HPS3: variants seen among roughly 807,000 people sequenced by gnomAD.
HPS3 encodes the protein HPS3 biogenesis of lysosomal organelles complex 2 subunit 1.
Under a neutral mutation model 110.9 loss-of-function variants are expected in HPS3, and 79 were observed. The observed-to-expected ratio is 0.71, with a 90% confidence interval of 0.59 to 0.86. HPS3 has a LOEUF of 0.86. HPS3 is among the 40% of genes least tolerant of loss of function. The pLI, the probability that HPS3 is intolerant of heterozygous loss-of-function variation, is 0.00. For missense variants in HPS3, 1,197 were observed against 1,206.2 expected, an observed-to-expected ratio of 0.99 and a Z score of 0.11; for synonymous variants, 428 against 451.0, an observed-to-expected ratio of 0.95 and a Z score of 0.65.
At chr3:149,159,810 A>G (rs943098460) in intron 10 of HPS3, among the ~76,000 whole-genome samples, 1 of 152,180 alleles carries the variant, frequency 6.6e-6, no homozygotes, top group Non-Finnish European at 1.5e-5. Flanking sequence ...ATAACCTGGT[A>G]CATATTTTCA....
In HPS3 at chr3:149,172,199, A is replaced by C; in HGVS notation, c.2992A>C (p.Ser998Arg). The C allele has an allele frequency of 1.2e-6, 2 of 1,613,570 alleles. No individual in the cohort carries two copies. The highest frequency in any genetic ancestry group is 1.7e-6 in the Non-Finnish European group (2 of 1,179,654). ...TFFLPYLLYCSRKKPLT is the reference protein window; with the variant it reads ...TFFLPYLLYCRRKKPLT Reference sequence around the variant, plus strand: ...TTTCTTGCCATATCTTCTCTATTGCAGTCGAAAGAAACCATTGACTTAAAG... The same window carrying C: ...TTTCTTGCCATATCTTCTCTATTGCCGTCGAAAGAAACCATTGACTTAAAG... Residue 998 changes from serine (S) to arginine (R), a missense_variant, in exon 17 of 17, where the codon AGT becomes CGT. By Grantham distance (110) the Ser-to-Arg change is moderately radical. Coordinates refer to ENST00000296051, the MANE Select transcript of HPS3 (RefSeq NM_032383.5).
intron 16 of HPS3, among the ~76,000 whole-genome samples, chr3:149,170,028 C>A (rs76876937): frequency 0.064 from 9,797 of 152,156 alleles, 468 homozygotes; most frequent in South Asian, 0.2. Context: ...TTTTCCCAAC[C>A]CTAAATCAGG....
intron 14 of HPS3, among the ~76,000 whole-genome samples, chr3:149,166,728 T>C (rs1407991110): frequency 1.3e-5 from 2 of 152,218 alleles, no homozygotes; most frequent in Non-Finnish European, 2.9e-5. Context: ...ATGTTGATTA[T>C]TCTCTTAGGA....
At chr3:149,143,224 G>C (rs1485948812) in intron 4 of HPS3, among the ~76,000 whole-genome samples, 1 of 152,136 alleles carries the variant, frequency 6.6e-6, no homozygotes, top group African/African-American at 2.4e-5. Flanking sequence ...CTCTCACCCT[G>C]CTTACTATTC....
Position 149,129,655 on chromosome 3 carries a change from C to T in HPS3, c.-69C>T. 2.4e-6 allele frequency: 3 copies of T among 1,229,322 alleles called. No individual in the cohort carries two copies. Among genetic ancestry groups the T allele is most frequent in the Non-Finnish European group, 3.3e-6 (3 of 913,434 alleles). 76.2% of individuals were successfully genotyped at this position (1,229,322 alleles called of 1,614,324 possible). On this transcript the variant is annotated 5_prime_UTR_variant, in exon 1 of 17. Transcript: ENST00000296051. Reference sequence around the variant, plus strand: ...TCGCTCGCGGAAGTAGTCCTACATTCGCGGTCAGCGCGGGGTCTCCGGGCG... The same window carrying T: ...TCGCTCGCGGAAGTAGTCCTACATTTGCGGTCAGCGCGGGGTCTCCGGGCG...
intron 4 of HPS3, 122 bp from the exon 5 acceptor site, chr3:149,145,232 T>C (rs1722719314): frequency 1.4e-6 from 1 of 740,192 alleles, no homozygotes; most frequent in Non-Finnish European, 2.4e-6. Flanking sequence ...AAAGAGCAAC[T>C]TCCCCTTTGC....
intron 5 of HPS3, among the ~76,000 whole-genome samples, chr3:149,147,655 G>A (rs559247108): frequency 6.6e-6 from 1 of 152,232 alleles, no homozygotes; most frequent in East Asian, 1.9e-4. Context: ...TATAAGTTAT[G>A]TACATATTTG....
intron 16 of HPS3, chr3:149,168,303 GTACTT>G (rs1724630777): frequency 3.5e-6 from 1 of 286,372 alleles, no homozygotes. Context: ...AATGATCAGA[GTACTT>G]AATTTACTTC....
chr3:149,141,098 G>A lies in HPS3; in HGVS notation c.794G>A (p.Ser265Asn), dbSNP rs903384018. ...CCCCTGGAACTTCTTGGTGAAAAAA[G>A]TGAACAGTCTGGATTATCTGTTACA... ...QKPLELLGEK[S>N]EQSGLSVTLE... The change falls in exon 3 of 17, where the codon AGT becomes AAT. Residue 265 changes from serine (S) to asparagine (N), a missense_variant. Coordinates refer to ENST00000296051, the MANE Select transcript of HPS3 (RefSeq NM_032383.5). 1 of 1,613,472 alleles carries A rather than the reference G, an allele frequency of 6.2e-7. No homozygotes were observed. The highest frequency in any genetic ancestry group is 1.3e-5 in the African/African-American group (1 of 74,822).
Position 149,173,083 on chromosome 3 carries a change from C to T in HPS3, c.*861C>T, listed in dbSNP as rs532884243. 6.6e-6 allele frequency: 1 copy of T among 152,428 alleles called. No individual in the cohort carries two copies. The highest frequency in any genetic ancestry group is 2.1e-4 in the South Asian group (1 of 4,828). The allele number at this position is 152,428 out of a possible 1,614,324, so 9.4% of individuals were successfully genotyped here. On this transcript the variant is annotated 3_prime_UTR_variant, in exon 17 of 17. Transcript: ENST00000296051. ...AATTCTACTCATGTGACATCTGCCA[C>T]AGGTCTATTTTGAAGCTTTTCTTCT...
chr3:149,147,109 G>A (rs998923334), intron 5 of HPS3, among the ~76,000 whole-genome samples: 2 of 152,128 alleles, frequency 1.3e-5, no homozygotes, highest in Non-Finnish European at 2.9e-5. Flanking sequence ...TGTCTGATGG[G>A]ATAATGGGGA....
chr3:149,172,337 C>A lies in HPS3; in HGVS notation c.*115C>A. On this transcript the variant is annotated 3_prime_UTR_variant, in exon 17 of 17. Transcript: ENST00000296051. ...TATATATCACACACACACACACACA[C>A]ACACACACACACACACACATATATG... The A allele has an allele frequency of 1.4e-6, 1 of 697,410 alleles. No individual in the cohort carries two copies. The highest frequency in any genetic ancestry group is 2.5e-6 in the Non-Finnish European group (1 of 400,256). 43.2% of individuals were successfully genotyped at this position (697,410 alleles called of 1,614,324 possible). A position where few individuals can be genotyped will look rare whatever the true frequency, so the allele number is the denominator to read the frequency against.
intron 12 of HPS3, 119 bp downstream of exon 12, chr3:149,162,452 T>A: frequency 1.0e-6 from 1 of 972,750 alleles, no homozygotes; most frequent in Non-Finnish European, 1.6e-6. Flanking sequence ...CAGACATACA[T>A]AATCAGTTTA....
rs750288537 is a variant in HPS3 at position 149,145,497 on chromosome 3, A to G, written c.1114A>G (p.Lys372Glu). 6.2e-7 allele frequency: 1 copy of G among 1,614,066 alleles called. No homozygotes were observed. The highest frequency in any genetic ancestry group is 1.1e-5 in the South Asian group (1 of 91,076). The change falls in exon 5 of 17, where the codon AAG (lysine) becomes GAG (glutamate). Residue 372 changes from lysine to glutamate, a missense_variant. Physicochemically the swap from Lys to Glu is moderately conservative, Grantham distance 56 (BLOSUM62 1). Coordinates refer to ENST00000296051, the MANE Select transcript of HPS3 (RefSeq NM_032383.5). ...GATGTCAGTCTACCAGTATCCTGAA[A>G]AGTCTCAGCAGGCAGTACTCACGCC... The part of the protein sequence containing the change: ...ELMSVYQYPE[K>E]SQQAVLTPQF...
At chr3:149,159,270 A>T (rs1474475301) in intron 10 of HPS3, among the ~76,000 whole-genome samples, 4 of 152,206 alleles carry the variant, frequency 2.6e-5, no homozygotes, top group African/African-American at 9.7e-5. Flanking sequence ...ATTATTAAGG[A>T]TTATTTTTAG....
intron 1 of HPS3, chr3:149,130,213 G>A: frequency 1.8e-6 from 1 of 554,108 alleles, no homozygotes; most frequent in Non-Finnish European, 3.2e-6. Flanking sequence ...CCTCTGGCTG[G>A]ATTCCACTCA....
intron 6 of HPS3, among the ~76,000 whole-genome samples, chr3:149,152,625 G>A (rs1723203101): frequency 6.6e-6 from 1 of 152,166 alleles, no homozygotes; most frequent in South Asian, 2.1e-4. Context: ...TCTGAAAAAA[G>A]TTTCACAACC....
Position 149,162,808 on chromosome 3 carries a change from C to T in HPS3, c.2411C>T (p.Ser804Leu), listed in dbSNP as rs552963632. 8.7e-6 allele frequency: 14 copies of T among 1,614,040 alleles called. No homozygotes were observed. Among genetic ancestry groups the T allele is most frequent in the Middle Eastern group, 1.7e-4 (1 of 6,060 alleles). Residue 804 changes from serine (S) to leucine (L), a missense_variant, in exon 13 of 17, where the codon TCA (serine) becomes TTA (leucine). Ser to Leu is a moderately radical substitution (Grantham distance 145). Coordinates refer to ENST00000296051, the MANE Select transcript of HPS3 (RefSeq NM_032383.5). ...CAGGAACTCTTTTTCAAACTCACATCACAGTACATCTGGAGATTGTCTAAG... is the reference window on the plus strand; with the variant it reads ...CAGGAACTCTTTTTCAAACTCACATTACAGTACATCTGGAGATTGTCTAAG... ...VLQELFFKLT[S>L]QYIWRLSKRQ...
chr3:149,151,089 C>A (rs1413868373), intron 6 of HPS3, among the ~76,000 whole-genome samples: 1 of 152,042 alleles, frequency 6.6e-6, no homozygotes, highest in Non-Finnish European at 1.5e-5. Flanking sequence ...ATCACTGCAG[C>A]CTCGAACTCC....
Sources: allele counts gnomAD v4.1 joint callset (sites outside exome capture counted in the v4.1 genomes callset), GRCh38; gene constraint gnomAD v4.1.1; transcripts MANE v1.5; gene names NCBI Gene and HGNC (gene_info 2026-07-23, HGNC 2026-07-21).